ZCCHC7: variants seen among roughly 807,000 people sequenced by gnomAD.
The protein encoded by ZCCHC7 is zinc finger CCHC domain-containing protein 7.
Under a neutral mutation model 52.0 loss-of-function variants are expected in ZCCHC7, and 35 were observed. That is an observed-to-expected ratio of 0.67 (90% CI 0.51 to 0.89). ZCCHC7 has a LOEUF of 0.89. Ranked by LOEUF, ZCCHC7 falls within the 40% of genes least tolerant of loss-of-function variation. ZCCHC7 has a pLI of 0.00. For missense variants in ZCCHC7, 574 were observed against 649.1 expected (o/e 0.88, Z 1.26); for synonymous variants, 217 against 221.5 (o/e 0.98, Z 0.18).
chr9:37,267,808 A>T (rs1827189094), intron 2 of ZCCHC7, among the ~76,000 whole-genome samples: 1 of 151,946 alleles, frequency 6.6e-6, no homozygotes, highest in South Asian at 2.1e-4. Flanking sequence ...TGACCTTGTG[A>T]TCCACCCGCC....
intron 2 of ZCCHC7, among the ~76,000 whole-genome samples, chr9:37,292,700 A>G (rs1363271200): frequency 2.0e-5 from 3 of 152,194 alleles, no homozygotes; most frequent in African/African-American, 7.2e-5. Context: ...CCTCTTGGGA[A>G]TGGGAGCTGG....
At chr9:37,273,460 G>A (rs556035812) in intron 2 of ZCCHC7, among the ~76,000 whole-genome samples, 2 of 152,250 alleles carry the variant, frequency 1.3e-5, no homozygotes, top group East Asian at 1.9e-4. Flanking sequence ...CTGAGATCGC[G>A]CCACTGCACT....
intron 2 of ZCCHC7, among the ~76,000 whole-genome samples, chr9:37,217,165 A>G (rs1367561716): frequency 6.6e-6 from 1 of 152,150 alleles, no homozygotes; most frequent in Non-Finnish European, 1.5e-5. Context: ...AACACAGATG[A>G]ATATTTTTTC....
chr9:37,350,837 T>C (rs1442570025), intron 7 of ZCCHC7, among the ~76,000 whole-genome samples: 1 of 152,184 alleles, frequency 6.6e-6, no homozygotes. Flanking sequence ...AGTAGAAAAT[T>C]CTTAAAAAAG....
At chr9:37,185,601 C>T (rs1361659625) in intron 2 of ZCCHC7, among the ~76,000 whole-genome samples, 1 of 152,144 alleles carries the variant, frequency 6.6e-6, no homozygotes, top group Admixed American at 6.6e-5. Context: ...CTGTCTGTGC[C>T]TCTTTTCTGG....
At chr9:37,189,633 C>T (rs1407938054) in intron 2 of ZCCHC7, among the ~76,000 whole-genome samples, 1 of 152,206 alleles carries the variant, frequency 6.6e-6, no homozygotes, top group Non-Finnish European at 1.5e-5. Flanking sequence ...GGTGATCTGC[C>T]TGCCTTGGCC....
intron 2 of ZCCHC7, among the ~76,000 whole-genome samples, chr9:37,222,033 CAG>C (rs1564188054): frequency 1.3e-5 from 2 of 151,680 alleles, no homozygotes; most frequent in Admixed American, 1.3e-4. Flanking sequence ...TAAAAATGAA[CAG>C]AGGGATAGTA....
intron 2 of ZCCHC7, among the ~76,000 whole-genome samples, chr9:37,158,838 A>T (rs1820946705): frequency 6.6e-6 from 1 of 152,228 alleles, no homozygotes; most frequent in East Asian, 1.9e-4. Flanking sequence ...TGGCATAAAA[A>T]AATATTAGTT....
chr9:37,195,496 G>A (rs1463228143), intron 2 of ZCCHC7, among the ~76,000 whole-genome samples: 2 of 152,170 alleles, frequency 1.3e-5, no homozygotes, highest in Non-Finnish European at 2.9e-5. Context: ...TGTGTTTTGC[G>A]TCTAATGTAG....
chr9:37,255,335 C>G (rs1564205348), intron 2 of ZCCHC7, among the ~76,000 whole-genome samples: 1 of 151,982 alleles, frequency 6.6e-6, no homozygotes, highest in Non-Finnish European at 1.5e-5. Context: ...TGACCTTGAA[C>G]ACAAGCATTG....
chr9:37,157,967 T>C (rs13295115), intron 2 of ZCCHC7, among the ~76,000 whole-genome samples: 1 of 152,098 alleles, frequency 6.6e-6, no homozygotes, highest in Non-Finnish European at 1.5e-5. Flanking sequence ...ATGCAACTAC[T>C]GTCTTGAGGA....
At chr9:37,199,812 T>G (rs2133154947) in intron 2 of ZCCHC7, among the ~76,000 whole-genome samples, 1 of 151,868 alleles carries the variant, frequency 6.6e-6, no homozygotes, top group East Asian at 1.9e-4. Context: ...TTCACGCCAT[T>G]CTCCTGCCTC....
At chr9:37,224,823 C>T (rs915282141) in intron 2 of ZCCHC7, among the ~76,000 whole-genome samples, 2 of 152,196 alleles carry the variant, frequency 1.3e-5, no homozygotes, top group African/African-American at 4.8e-5. Context: ...AGCGAATACT[C>T]ATCTGTGCAT....
chr9:37,277,151 T>TA (rs1256373092), intron 2 of ZCCHC7, among the ~76,000 whole-genome samples: 2 of 152,170 alleles, frequency 1.3e-5, no homozygotes, highest in East Asian at 3.8e-4. Flanking sequence ...GAAGATTTTG[T>TA]AAAAAAGATT....
chr9:37,200,014 T>C (rs549590512), intron 2 of ZCCHC7, among the ~76,000 whole-genome samples: 1 of 152,326 alleles, frequency 6.6e-6, no homozygotes, highest in African/African-American at 2.4e-5. Context: ...ACTGTTTCTT[T>C]TTCTTACCGC....
chr9:37,325,222 G>A (rs979842069), intron 5 of ZCCHC7, among the ~76,000 whole-genome samples: 16 of 152,196 alleles, frequency 1.1e-4, no homozygotes, highest in Non-Finnish European at 1.9e-4. Flanking sequence ...TAAAACAGAT[G>A]TACAAGTACA....
chr9:37,126,701 T>C lies in ZCCHC7; in HGVS notation c.369T>C (p.Leu123=). The C allele has an allele frequency of 6.2e-7, 1 of 1,614,164 alleles. No individual in the cohort carries two copies. The highest frequency in any genetic ancestry group is 1.3e-5 in the African/African-American group (1 of 75,044). The change falls in exon 2 of 9, where the codon CTT becomes CTC. Residue 123 remains leucine (L), a synonymous_variant. Coordinates refer to ENST00000336755, the MANE Select transcript of ZCCHC7 (RefSeq NM_032226.3). ...QENAHGLSSS[L]QSNELVDKKC... is the part of the protein sequence containing the mutation. ...ATGCCCATGGTCTTTCTTCTTCTCT[T>C]CAATCTAATGAGCTGGTTGATAAGA...
rs753179063 is a variant in ZCCHC7 at position 37,305,758 on chromosome 9, GTGTGCAAGTTTGTAATTAA to G, written c.951+56_951+74del. 3 of 1,603,210 alleles carry G rather than the reference GTGTGCAAGTTTGTAATTAA, an allele frequency of 1.9e-6. No homozygotes were observed. In the African/African-American group the frequency reaches 4.0e-5, roughly 21 times the overall value. ...ACTAATTTGTCAGGCTTTGGAGGGA[GTGTGCAAGTTTGTAATTAA>G]TGTGCAAGTTTATAACTATCAGTCA... On this transcript the variant is annotated intron_variant, in intron 5 of 8. Transcript: ENST00000336755.
At chr9:37,260,006 A>G (rs1014084521) in intron 2 of ZCCHC7, among the ~76,000 whole-genome samples, 4 of 152,186 alleles carry the variant, frequency 2.6e-5, no homozygotes, top group South Asian at 2.1e-4. Context: ...TTGGTTTGCA[A>G]TGTTGCAGTG....
Sources: gnomAD v4.1 joint callset for allele counts (sites outside exome capture counted in the v4.1 genomes callset) on GRCh38, gnomAD v4.1.1 for gene constraint, MANE v1.5 for transcripts, NCBI Gene and HGNC (gene_info 2026-07-23, HGNC 2026-07-21) for gene names.